Variants in CYFIP1 observed in about 807,000 individuals in gnomAD.
The protein encoded by CYFIP1 is cytoplasmic FMR1 interacting protein 1.
In CYFIP1, 58 loss-of-function variants were observed where a neutral mutation model predicts 163.5. The observed-to-expected ratio is 0.35, with a 90% CI of 0.29 to 0.44. The LOEUF is 0.44. Ranked by LOEUF, CYFIP1 falls within the 20% of genes least tolerant of loss-of-function variation. The pLI, the probability that CYFIP1 is intolerant of heterozygous loss-of-function variation, is 1.00. For synonymous variants in CYFIP1, 663 were observed against 660.7 expected (o/e 1.00, Z -0.05); for missense variants, 1,338 against 1,653.8 (o/e 0.81, Z 3.31).
At chr15:22,936,208 A>G (rs2061705486) in intron 9 of CYFIP1, among the ~76,000 whole-genome samples, 1 of 152,172 alleles carries the variant, frequency 6.6e-6, no homozygotes, top group Non-Finnish European at 1.5e-5. Context: ...GCTACACTCC[A>G]GCCTGGATGA....
intron 21 of CYFIP1, among the ~76,000 whole-genome samples, chr15:22,908,584 C>CA (rs2041830003): frequency 8.1e-6 from 1 of 123,346 alleles, no homozygotes; most frequent in African/African-American, 3.2e-5. Context: ...GGCTGGAGTG[C>CA]AGTGGCGCGA....
At position 22,910,827 on chromosome 15, in the gene CYFIP1, A is replaced by C; in HGVS notation, c.2083-14T>G. 6.2e-7 allele frequency: 1 copy of C among 1,607,802 alleles called. No homozygotes were observed. The highest frequency in any genetic ancestry group is 8.5e-7 in the Non-Finnish European group (1 of 1,174,566). Reference sequence around the variant, plus strand: ...ACATAGATTCACCTGAAGAAAAAGAAAGCACACGTTACAGTTTGATTCCCT... The same window carrying C: ...ACATAGATTCACCTGAAGAAAAAGACAGCACACGTTACAGTTTGATTCCCT... On this transcript the variant is annotated splice_polypyrimidine_tract_variant and intron_variant, in intron 18 of 30. Transcript: ENST00000617928.
intron 23 of CYFIP1, 36 bp from the exon 24 acceptor site, chr15:22,883,047 C>T: frequency 6.2e-7 from 1 of 1,604,542 alleles, no homozygotes; most frequent in Non-Finnish European, 8.5e-7. Flanking sequence ...AGCATGGTCC[C>T]CGCACACATG....
At chr15:22,904,025 C>G (rs1461548194) in intron 21 of CYFIP1, 120 bp from the exon 22 acceptor site, 5 of 885,398 alleles carry the variant, frequency 5.6e-6, no homozygotes, top group Admixed American at 4.4e-5. Flanking sequence ...GAGGCAGCCC[C>G]CAGTGAGCGT....
intron 1 of CYFIP1, among the ~76,000 whole-genome samples, chr15:22,979,790 C>T (rs1396802962): frequency 1.3e-5 from 2 of 152,236 alleles, no homozygotes; most frequent in African/African-American, 4.8e-5. Context: ...GCGGACCAGG[C>T]TCCCTCCGCT....
At position 22,913,949 on chromosome 15, in the gene CYFIP1, T is replaced by C. The variant is rs141480020; in HGVS notation, c.1985+777A>G. On this transcript the variant is annotated intron_variant, in intron 17 of 30. Transcript: ENST00000617928. ...ACTGACGCACAAGGAACTCAGGGGC[T>C]TCCCACTCACGGTGCTCAGAAGACA... Among the ~76,000 whole-genome samples, 41 of 152,292 alleles carry C rather than the reference T, an allele frequency of 2.7e-4. 1 individual carries two copies. Among genetic ancestry groups the C allele is most frequent in the Non-Finnish European group, 5.4e-4 (37 of 68,022 alleles).
In CYFIP1 at chr15:22,917,463, T is replaced by C. The variant is rs1420788429; in HGVS notation, c.1674+325A>G. On this transcript the variant is annotated intron_variant, in intron 15 of 30. Coordinates refer to ENST00000617928, the MANE Select transcript of CYFIP1 (RefSeq NM_014608.6). This position sits in a 1 kb window ranked among gnomAD's most constrained non-coding sequence, Gnocchi z 4.2. ...ATTTGCAGACCCAACGTAAAAATTATACAGACATTCAAACACCCATCAAGA... is the reference window on the plus strand; with the variant it reads ...ATTTGCAGACCCAACGTAAAAATTACACAGACATTCAAACACCCATCAAGA... The C allele has an allele frequency of 1.3e-5, 7 of 534,410 alleles. No individual in the cohort carries two copies. The highest frequency in any genetic ancestry group is 2.1e-5 in the Non-Finnish European group (7 of 331,032). 33.1% of individuals were successfully genotyped at this position (534,410 alleles called of 1,614,324 possible).
rs140294554 is a variant in CYFIP1 at position 22,888,117 on chromosome 15, AT to A, written c.2676+4772del. Among the ~76,000 whole-genome samples the A allele has an allele frequency of 1.3e-3, 204 of 152,306 alleles. 2 individuals carry two copies. The highest frequency in any genetic ancestry group is 4.7e-3 in the African/African-American group (195 of 41,558). On this transcript the variant is annotated intron_variant, in intron 23 of 30. Transcript: ENST00000617928. ...CATGACCAAGAACGAAAAAGATAAC[AT>A]TGCATAAATGGGTCCCTCATCTAAG...
intron 18 of CYFIP1, among the ~76,000 whole-genome samples, chr15:22,911,691 C>T (rs963535239): frequency 2.0e-5 from 3 of 152,150 alleles, no homozygotes; most frequent in African/African-American, 4.8e-5. Flanking sequence ...GTGACATCTC[C>T]CTGAAGCACC....
At position 22,867,771 on chromosome 15, in the gene CYFIP1, A is replaced by C. The variant is rs560480608; in HGVS notation, c.*2257T>G. ...CTTAGAACAAACTTAACATGTTTAT[A>C]GAATATGGTCTCTTTGTACCAAGTA... On this transcript the variant is annotated 3_prime_UTR_variant, in exon 31 of 31. Coordinates refer to ENST00000617928, the MANE Select transcript of CYFIP1 (RefSeq NM_014608.6). The C allele has an allele frequency of 5.9e-5, 9 of 152,366 alleles. No homozygotes were observed. Among genetic ancestry groups the C allele is most frequent in the African/African-American group, 1.9e-4 (8 of 41,578 alleles). 9.4% of individuals were successfully genotyped at this position (152,366 alleles called of 1,614,324 possible).
chr15:22,944,238 CAAAA>C (rs34662161), intron 5 of CYFIP1, among the ~76,000 whole-genome samples: 24,716 of 94,608 alleles, frequency 0.26, 2,353 homozygotes, highest in Middle Eastern at 0.36. Context: ...GACTCTGTCT[CAAAA>C]AAAAAAAAAA....
intron 4 of CYFIP1, 31 bp downstream of exon 4, chr15:22,944,831 C>T (rs1567011626): frequency 1.9e-6 from 3 of 1,608,552 alleles, no homozygotes; most frequent in Middle Eastern, 3.4e-4. Context: ...CAGGGTGTGG[C>T]TGGAGGGGAA....
chr15:22,946,696 T>C (rs2062071982), intron 3 of CYFIP1: 3 of 520,128 alleles, frequency 5.8e-6, no homozygotes, highest in African/African-American at 1.9e-5. Flanking sequence ...CTAAATCTCA[T>C]ATGGGCACAT....
chr15:22,954,570 G>C (rs1028112636), intron 1 of CYFIP1, among the ~76,000 whole-genome samples: 14 of 152,120 alleles, frequency 9.2e-5, no homozygotes, highest in South Asian at 8.3e-4. Flanking sequence ...CTGTGCCCCC[G>C]GCCTCCCCAG....
intron 13 of CYFIP1, among the ~76,000 whole-genome samples, chr15:22,921,171 C>G (rs535327562): frequency 1.4e-4 from 21 of 152,026 alleles, no homozygotes; most frequent in African/African-American, 4.6e-4. Flanking sequence ...AGTTCGAGAC[C>G]AGCCTGGCCA....
chr15:22,949,127 T>G (rs1056270110), intron 1 of CYFIP1, among the ~76,000 whole-genome samples: 1 of 152,182 alleles, frequency 6.6e-6, no homozygotes, highest in African/African-American at 2.4e-5. Flanking sequence ...ACGGTCAAAC[T>G]GCTGAACACT....
chr15:22,912,293 AGT>A lies in CYFIP1; in HGVS notation c.1986-20_1986-19del. 1 of 1,584,432 alleles carries A rather than the reference AGT, an allele frequency of 6.3e-7. No homozygotes were observed. Among genetic ancestry groups the A allele is most frequent in the Non-Finnish European group, 8.6e-7 (1 of 1,162,270 alleles). ...GCACGTACCTGCAGAGGACAGCAGC[AGT>A]GTGACCAGCAGCCTCTGCCACTCAC... On this transcript the variant is annotated intron_variant, in intron 17 of 30. Coordinates refer to ENST00000617928, the MANE Select transcript of CYFIP1 (RefSeq NM_014608.6).
intron 11 of CYFIP1, among the ~76,000 whole-genome samples, chr15:22,931,239 A>C (rs2061526689): frequency 6.6e-6 from 1 of 152,192 alleles, no homozygotes; most frequent in Non-Finnish European, 1.5e-5. Flanking sequence ...TATATGCCCT[A>C]AAACCCGCAG....
intron 25 of CYFIP1, among the ~76,000 whole-genome samples, chr15:22,881,241 G>A (rs2059752069): frequency 6.6e-6 from 1 of 152,182 alleles, no homozygotes; most frequent in Non-Finnish European, 1.5e-5. Flanking sequence ...TACAACACAA[G>A]GCTAGTGTTC....
Sources: gnomAD v4.1 joint callset for allele counts (sites outside exome capture counted in the v4.1 genomes callset) on GRCh38, gnomAD v4.1.1 for gene constraint, Gnocchi (gnomAD v3.1) non-coding constraint, MANE v1.5 for transcripts, NCBI Gene and HGNC (gene_info 2026-07-23, HGNC 2026-07-21) for gene names.